OXSR1: variants seen among roughly 807,000 people sequenced by gnomAD.
OXSR1 encodes the protein serine/threonine-protein kinase OSR1.
Under a neutral mutation model 79.8 loss-of-function variants are expected in OXSR1, and 24 were observed. That is an observed-to-expected ratio of 0.30 (90% CI 0.22 to 0.42). The LOEUF is 0.42. OXSR1 is among the 10% of genes least tolerant of loss of function. The probability of loss-of-function intolerance (pLI) is 1.00; values close to 1 mark genes in which losing one functional copy is unlikely to be tolerated. For missense variants in OXSR1, 430 were observed against 618.4 expected (o/e 0.70, Z 3.23); for synonymous variants, 226 against 209.2 (o/e 1.08, Z -0.69).
intron 12 of OXSR1, among the ~76,000 whole-genome samples, chr3:38,243,699 A>AT (rs1703081149): frequency 1.3e-5 from 2 of 152,232 alleles, no homozygotes; most frequent in East Asian, 3.8e-4. Context: ...TATAAAGTAC[A>AT]TTTGTGTATG....
chr3:38,193,448 C>T, intron 3 of OXSR1: 1 of 1,225,770 alleles, frequency 8.2e-7, no homozygotes, highest in Non-Finnish European at 1.1e-6. Flanking sequence ...TATTGATCAC[C>T]TATAGCATAA....
chr3:38,186,935 T>C (rs939360529), intron 2 of OXSR1, among the ~76,000 whole-genome samples: 1 of 152,242 alleles, frequency 6.6e-6, no homozygotes, highest in Non-Finnish European at 1.5e-5. Context: ...CAGCAATATA[T>C]GAGCTTTTCA....
At chr3:38,223,422 G>A (rs182973342) in intron 6 of OXSR1, among the ~76,000 whole-genome samples, 102 of 150,504 alleles carry the variant, frequency 6.8e-4, no homozygotes, top group Middle Eastern at 3.6e-3. Context: ...AAGAGCCACC[G>A]TGCCCCACCT....
intron 14 of OXSR1, among the ~76,000 whole-genome samples, chr3:38,249,161 A>G (rs1246376526): frequency 6.6e-6 from 1 of 152,190 alleles, no homozygotes; most frequent in East Asian, 1.9e-4. Flanking sequence ...AAATAGAAGT[A>G]AACCCTCTCC....
intron 2 of OXSR1, among the ~76,000 whole-genome samples, chr3:38,189,624 AG>A (rs1397916381): frequency 1.3e-5 from 2 of 152,238 alleles, no homozygotes; most frequent in African/African-American, 4.8e-5. Context: ...CCAAGGGCAT[AG>A]GGCAGGTACA....
chr3:38,164,596 C>G (rs548968993), upstream of OXSR1, among the ~76,000 whole-genome samples: 280 of 152,304 alleles, frequency 1.8e-3, no homozygotes, highest in African/African-American at 6.5e-3. Flanking sequence ...ATTTCTCTAA[C>G]GGCCGTACGT....
At chr3:38,193,731 C>T (rs981268039) in intron 3 of OXSR1, among the ~76,000 whole-genome samples, 23 of 151,586 alleles carry the variant, frequency 1.5e-4, no homozygotes, top group Non-Finnish European at 2.8e-4. Flanking sequence ...CTCTTTGTCC[C>T]TCTTGGTCTT....
chr3:38,189,027 T>C (rs1701936634), intron 2 of OXSR1, among the ~76,000 whole-genome samples: 1 of 152,186 alleles, frequency 6.6e-6, no homozygotes. Context: ...GTTGAAAACA[T>C]GAACTTCTTA....
intron 12 of OXSR1, 26 bp from the exon 13 acceptor site, chr3:38,246,049 C>T (rs1703134651): frequency 4.3e-6 from 7 of 1,610,618 alleles, no homozygotes; most frequent in East Asian, 2.2e-5. Context: ...ACAACTTAAG[C>T]AACACTGTGT....
At position 38,216,265 on chromosome 3, in the gene OXSR1, A is replaced by G. The variant is rs1702480991; in HGVS notation, c.490+114A>G. The G allele has an allele frequency of 6.0e-6, 4 of 666,202 alleles. No individual in the cohort carries two copies. In the East Asian group the frequency reaches 8.6e-5, roughly 14 times the overall value. 41.3% of individuals were successfully genotyped at this position (666,202 alleles called of 1,614,324 possible). ...CTGTTCCCTGGACCATCTCTATTCA[A>G]GCATCCTCTGTTGGCATGTCATAGG... On this transcript the variant is annotated intron_variant, in intron 5 of 17. Transcript: ENST00000311806.
intron 10 of OXSR1, among the ~76,000 whole-genome samples, chr3:38,236,272 C>G (rs971933102): frequency 1.8e-4 from 27 of 152,154 alleles, no homozygotes; most frequent in African/African-American, 6.0e-4. Flanking sequence ...CAGATAACTC[C>G]TAAAACCAAA....
chr3:38,178,620 A>ATTTTTTTTTTTTTTTTTTTTTTTTT (rs71085303), intron 1 of OXSR1, among the ~76,000 whole-genome samples: 1 of 95,126 alleles, frequency 1.1e-5, no homozygotes. Context: ...ATATATATAT[A>ATTTTTTTTTTTTTTTTTTTTTTTTT]TTTTTTTTTT....
chr3:38,222,991 A>G (rs537816877), intron 6 of OXSR1, among the ~76,000 whole-genome samples: 1 of 152,310 alleles, frequency 6.6e-6, no homozygotes, highest in East Asian at 1.9e-4. Flanking sequence ...ACCATACTTA[A>G]CAGTTTCTTC....
At chr3:38,226,532 A>G (rs1183128565) in intron 8 of OXSR1, among the ~76,000 whole-genome samples, 2 of 152,020 alleles carry the variant, frequency 1.3e-5, no homozygotes, top group African/African-American at 4.8e-5. Flanking sequence ...TTTACAATGC[A>G]CCTCCTCTAC....
At chr3:38,206,390 A>G (rs748684073) in intron 4 of OXSR1, among the ~76,000 whole-genome samples, 3 of 152,052 alleles carry the variant, frequency 2.0e-5, no homozygotes, top group Non-Finnish European at 2.9e-5. Context: ...CACTTAGTTA[A>G]GTGAGAGTTG....
At chr3:38,227,831 T>A (rs1702723359) in intron 8 of OXSR1, among the ~76,000 whole-genome samples, 1 of 152,084 alleles carries the variant, frequency 6.6e-6, no homozygotes, top group South Asian at 2.1e-4. Context: ...GGGGAACAGA[T>A]TACCTACTGA....
At chr3:38,200,957 G>A (rs535550246) in intron 4 of OXSR1, among the ~76,000 whole-genome samples, 2 of 152,124 alleles carry the variant, frequency 1.3e-5, no homozygotes, top group Non-Finnish European at 2.9e-5. Context: ...TACATGTTTC[G>A]ATACATGAAG....
At chr3:38,239,642 C>G (rs951723508) in intron 11 of OXSR1, among the ~76,000 whole-genome samples, 5 of 152,194 alleles carry the variant, frequency 3.3e-5, no homozygotes, top group African/African-American at 1.2e-4. Flanking sequence ...GTTTTCCCCC[C>G]TATTCTCAGG....
chr3:38,228,114 G>A (rs1391582731), intron 8 of OXSR1, among the ~76,000 whole-genome samples: 1 of 152,162 alleles, frequency 6.6e-6, no homozygotes. Context: ...GTTGGCCAAA[G>A]CATTAAGAGG....
Sources: allele counts gnomAD v4.1 joint callset (sites outside exome capture counted in the v4.1 genomes callset), GRCh38; gene constraint gnomAD v4.1.1; transcripts MANE v1.5; gene names NCBI Gene and HGNC (gene_info 2026-07-23, HGNC 2026-07-21).